Variants in ABCA7 observed in about 807,000 individuals in gnomAD.
ABCA7 encodes ATP binding cassette subfamily A member 7.
Under a neutral mutation model 227.6 loss-of-function variants are expected in ABCA7, and 261 were observed. The observed-to-expected ratio is 1.15, with a 90% CI of 1.04 to 1.27. The LOEUF (loss-of-function observed/expected upper bound fraction) is 1.27, where lower values mean the gene tolerates loss of function less well. Ranked by LOEUF, ABCA7 falls within the 50% of genes most tolerant of loss-of-function variation. ABCA7 has a pLI of 0.00. For synonymous variants in ABCA7, 1,488 were observed against 1,279.7 expected, an observed-to-expected ratio of 1.16 and a Z score of -3.47; for missense variants, 3,331 against 2,924.5, an observed-to-expected ratio of 1.14 and a Z score of -3.21.
Position 1,044,664 on chromosome 19 carries a change from C to T in ABCA7, c.1135C>T (p.Pro379Ser), listed in dbSNP as rs2040423742. Residue 379 changes from proline (P) to serine (S), a missense_variant, in exon 11 of 47, where the codon CCT (proline) becomes TCT (serine). Coordinates refer to ENST00000263094, the MANE Select transcript of ABCA7 (RefSeq NM_019112.4). Reference protein sequence around the residue: ...HMEALRSFLDPGSGGYSWQDA... With the variant: ...HMEALRSFLDSGSGGYSWQDA... ...GGAGGCCCTGCGATCCTTTCTGGAC[C>T]CTGGGAGCGGTGGCTACAGCTGGCA... 1 of 1,613,200 alleles carries T rather than the reference C, an allele frequency of 6.2e-7. No homozygotes were observed. The highest frequency in any genetic ancestry group is 2.2e-5 in the East Asian group (1 of 44,874).
Position 1,043,621 on chromosome 19 carries a change from C to T in ABCA7, c.931-104C>T, listed in dbSNP as rs528822740. On this transcript the variant is annotated intron_variant, in intron 9 of 46. Transcript: ENST00000263094. ...GCCGATGGAGGGGGATCAGCTTGTG[C>T]GGAGGATCAGAGGCACACGCAGGAG... 25 of 1,519,752 alleles carry T rather than the reference C, an allele frequency of 1.6e-5. No homozygotes were observed. In the East Asian group the frequency reaches 2.3e-4, roughly 14 times the overall value. 94.1% of individuals were successfully genotyped at this position (1,519,752 alleles called of 1,614,324 possible). A position where few individuals can be genotyped will look rare whatever the true frequency, so the allele number is the denominator to read the frequency against.
chr19:1,054,219 G>A lies in ABCA7; in HGVS notation c.3604G>A (p.Gly1202Ser), dbSNP rs772635773. Residue 1202 changes from glycine (G) to serine (S), a missense_variant, in exon 27 of 47, where the codon GGC (glycine) becomes AGC (serine). Gly to Ser is a moderately conservative substitution (Grantham distance 56, BLOSUM62 0). Transcript: ENST00000263094. This position sits in a 1 kb window ranked among gnomAD's most constrained non-coding sequence, Gnocchi z 4.8. ...TGGGTCAGCCCCAGAGACTGACCAGGGCTCTGGGCCAGACGCCGTGGGCCG... is the reference window on the plus strand; with the variant it reads ...TGGGTCAGCCCCAGAGACTGACCAGAGCTCTGGGCCAGACGCCGTGGGCCG... ...PAGSAPETDQGSGPDAVGRVQ... is the reference protein window; with the variant it reads ...PAGSAPETDQSSGPDAVGRVQ... The A allele has an allele frequency of 6.2e-6, 10 of 1,608,648 alleles. No individual in the cohort carries two copies. Among genetic ancestry groups the A allele is most frequent in the Non-Finnish European group, 7.6e-6 (9 of 1,177,126 alleles).
At chr19:1,041,485 C>T in intron 2 of ABCA7, 25 bp from the exon 3 acceptor site, 1 of 1,613,708 alleles carries the variant, frequency 6.2e-7, no homozygotes. Context: ...CTGTCCCCCA[C>T]CGTCTCCCAC....
chr19:1,051,891 G>A lies in ABCA7; in HGVS notation c.2963-51G>A, dbSNP rs756838166. 4 of 1,590,742 alleles carry A rather than the reference G, an allele frequency of 2.5e-6. No homozygotes were observed. The Admixed American group carries it at 5.0e-5, about 20-fold the overall frequency. The stretch of plus-strand genomic sequence containing the variant: ...ACTCCTGGCAGAGGCCCCAGCTCGG[G>A]CAAAGACGCGGCGGCCTGATGGTAG... On this transcript the variant is annotated intron_variant, in intron 21 of 46. Coordinates refer to ENST00000263094, the MANE Select transcript of ABCA7 (RefSeq NM_019112.4).
At chr19:1,044,404 C>T (rs1173031930) in intron 10 of ABCA7, among the ~76,000 whole-genome samples, 173 bp from the exon 11 acceptor site, 3 of 151,798 alleles carry the variant, frequency 2.0e-5, no homozygotes, top group African/African-American at 7.3e-5. Context: ...TGCGCCACCA[C>T]TCCCGGCTAC....
At chr19:1,042,503 G>C (rs765862595) in intron 6 of ABCA7, 106 bp downstream of exon 6, 1 of 1,389,256 alleles carries the variant, frequency 7.2e-7, no homozygotes. Flanking sequence ...AGGCATCCAG[G>C]CTGTCCCTGG....
Position 1,043,188 on chromosome 19 carries a change from G to A in ABCA7, c.727G>A (p.Ala243Thr). ...GGGCCCCTCCCTCAACTGGTACGAG[G>A]CTAGTGACCTGATGGAGCTGGTGGG... Reference protein sequence around the residue: ...TVGPSLNWYEASDLMELVGQE... With the variant: ...TVGPSLNWYETSDLMELVGQE... Residue 243 changes from alanine to threonine, a missense_variant, in exon 8 of 47, where the codon GCT becomes ACT. By Grantham distance (58) the Ala-to-Thr change is moderately conservative. Coordinates refer to ENST00000263094, the MANE Select transcript of ABCA7 (RefSeq NM_019112.4). The A allele has an allele frequency of 6.2e-7, 1 of 1,609,966 alleles. No individual in the cohort carries two copies. Among genetic ancestry groups the A allele is most frequent in the East Asian group, 2.2e-5 (1 of 44,778 alleles).
At chr19:1,045,467 T>A (rs1465006190) in intron 12 of ABCA7, 2 of 558,180 alleles carry the variant, frequency 3.6e-6, no homozygotes, top group Non-Finnish European at 6.4e-6. Context: ...AGAGCAGGTA[T>A]AGGTTGAGGG....
At chr19:1,049,182 C>T (rs1253392339) in intron 17 of ABCA7, 84 bp from the exon 18 acceptor site, 4 of 1,468,818 alleles carry the variant, frequency 2.7e-6, no homozygotes, top group East Asian at 2.3e-5. Context: ...CAGCAGGTCC[C>T]GGATTCCACA....
intron 42 of ABCA7, 110 bp from the exon 43 acceptor site, chr19:1,063,434 C>G (rs2042817594): frequency 6.2e-6 from 9 of 1,452,642 alleles, no homozygotes; most frequent in Non-Finnish European, 7.4e-6. Context: ...TGCCCTGCCC[C>G]ATGCCCATTA....
In ABCA7 at chr19:1,064,235, C is replaced by T. The variant is rs868069024; in HGVS notation, c.6026C>T (p.Pro2009Leu). Residue 2009 changes from proline to leucine, a missense_variant, in exon 45 of 47, where the codon CCG (proline) becomes CTG (leucine). Coordinates refer to ENST00000263094, the MANE Select transcript of ABCA7 (RefSeq NM_019112.4). ...GGGCGGTTCCGCTGCCTGGGCAGCCCGCAACATCTCAAGGGCAGGTGAGCC... is the reference window on the plus strand; with the variant it reads ...GGGCGGTTCCGCTGCCTGGGCAGCCTGCAACATCTCAAGGGCAGGTGAGCC... ...VNGRFRCLGSPQHLKGRFAAG... is the reference protein window; with the variant it reads ...VNGRFRCLGSLQHLKGRFAAG... 2 of 1,565,116 alleles carry T rather than the reference C, an allele frequency of 1.3e-6. No individual in the cohort carries two copies. Among genetic ancestry groups the T allele is most frequent in the South Asian group, 1.2e-5 (1 of 85,234 alleles).
chr19:1,058,044 G>A lies in ABCA7; in HGVS notation c.5010G>A (p.Glu1670=), dbSNP rs1237713287. 3 of 1,614,058 alleles carry A rather than the reference G, an allele frequency of 1.9e-6. No homozygotes were observed. The Admixed American group carries it at 5.0e-5, about 27-fold the overall frequency. Reference sequence around the variant, plus strand: ...GAAGCATGGCCACCTTTGTGCTTGAGCTCTTCTCTGATCAGGTGGGGCACC... The same window carrying A: ...GAAGCATGGCCACCTTTGTGCTTGAACTCTTCTCTGATCAGGTGGGGCACC... ...INGSMATFVL[E]LFSDQKLQEV... Residue 1670 remains glutamate, a synonymous_variant, in exon 36 of 47, where the codon GAG becomes GAA. Coordinates refer to ENST00000263094, the MANE Select transcript of ABCA7 (RefSeq NM_019112.4).
chr19:1,042,889 G>T, intron 7 of ABCA7, 63 bp downstream of exon 7: 1 of 1,524,980 alleles, frequency 6.6e-7, no homozygotes. Flanking sequence ...CCTGCGCCGG[G>T]AGGGTCTGGG....
At chr19:1,063,434 C>T in intron 42 of ABCA7, 110 bp from the exon 43 acceptor site, 2 of 1,452,642 alleles carry the variant, frequency 1.4e-6, no homozygotes, top group Non-Finnish European at 1.9e-6. Context: ...TGCCCTGCCC[C>T]ATGCCCATTA....
chr19:1,054,605 C>T lies in ABCA7; in HGVS notation c.3762C>T (p.Leu1254=), dbSNP rs769070739. The T allele has an allele frequency of 4.0e-5, 64 of 1,612,812 alleles. No individual in the cohort carries two copies. The highest frequency in any genetic ancestry group is 1.7e-4 in the Middle Eastern group (1 of 5,966). Residue 1254 remains leucine, a synonymous_variant, in exon 28 of 47, where the codon CTC becomes CTT. Coordinates refer to ENST00000263094, the MANE Select transcript of ABCA7 (RefSeq NM_019112.4). This position sits in a 1 kb window ranked among gnomAD's most constrained non-coding sequence, Gnocchi z 4.8. ...CTGCCCTCTTTGTGGGCCTGGCCCTCGTGTTCAGCCTCATCGTGCCTCCTT... is the reference window on the plus strand; with the variant it reads ...CTGCCCTCTTTGTGGGCCTGGCCCTTGTGTTCAGCCTCATCGTGCCTCCTT... ...VLPALFVGLA[L]VFSLIVPPFG...
In ABCA7 at chr19:1,042,727, T is replaced by G; in HGVS notation, c.499-19T>G. 1 of 1,612,460 alleles carries G rather than the reference T, an allele frequency of 6.2e-7. No homozygotes were observed. Among genetic ancestry groups the G allele is most frequent in the South Asian group, 1.1e-5 (1 of 91,050 alleles). On this transcript the variant is annotated intron_variant, in intron 6 of 46. Coordinates refer to ENST00000263094, the MANE Select transcript of ABCA7 (RefSeq NM_019112.4). ...TGAGTGTTCAAAATCATTGTCCCCC[T>G]TGTGGTCTTTCTCCCCAGGAATCCC... is the stretch of plus-strand genomic sequence containing the variant.
At chr19:1,045,513 C>G in intron 12 of ABCA7, 1 of 452,896 alleles carries the variant, frequency 2.2e-6, no homozygotes, top group South Asian at 2.7e-5. Context: ...TATTAGGTCC[C>G]TGGAATAAGG....
intron 12 of ABCA7, chr19:1,045,598 T>C: frequency 4.0e-6 from 1 of 247,282 alleles, no homozygotes; most frequent in Non-Finnish European, 7.9e-6. Context: ...GAGGCCAAAG[T>C]GGGAGAATCT....
At chr19:1,046,439 G>A in intron 13 of ABCA7, 33 bp downstream of exon 13, 2 of 1,516,814 alleles carry the variant, frequency 1.3e-6, no homozygotes, top group South Asian at 1.3e-5. Flanking sequence ...GCTCTTCCCC[G>A]CGGCGGGAAG....
Sources: allele counts gnomAD v4.1 joint callset (sites outside exome capture counted in the v4.1 genomes callset), GRCh38; gene constraint gnomAD v4.1.1; non-coding constraint Gnocchi (gnomAD v3.1); transcripts MANE v1.5; gene names NCBI Gene and HGNC (gene_info 2026-07-23, HGNC 2026-07-21).